The following CEP57L1 variants were observed in gnomAD, a reference collection of about 807,000 sequenced individuals.
CEP57L1 encodes the protein centrosomal protein 57 like 1, also known as centrosomal protein CEP57L1.
In CEP57L1, 37 loss-of-function variants were observed where a neutral mutation model predicts 61.0. That is an observed-to-expected ratio of 0.61 (90% CI 0.47 to 0.80). The LOEUF (loss-of-function observed/expected upper bound fraction) is 0.80. CEP57L1 is among the 30% of genes least tolerant of loss of function. CEP57L1 has a pLI of 0.00. For synonymous variants in CEP57L1, 137 were observed against 162.3 expected, an observed-to-expected ratio of 0.84 and a Z score of 1.19; for missense variants, 422 against 524.7, an observed-to-expected ratio of 0.80 and a Z score of 1.91.
intron 1 of CEP57L1, among the ~76,000 whole-genome samples, chr6:109,142,950 T>C (rs573848960): frequency 8.4e-5 from 1 of 11,930 alleles, no homozygotes; most frequent in Non-Finnish European, 1.7e-4. Flanking sequence ...TCTCTTGCTC[T>C]CTCTCTCTCT....
rs1173873238 is a variant in CEP57L1, at chr6:109,173,330, C to A, written c.*10360C>A. ...GAGACCATTTAAAGAATATTATTTCCTTCCAGTTTATTCAAGGGTGGCCTA... is the reference window on the plus strand; with the variant it reads ...GAGACCATTTAAAGAATATTATTTCATTCCAGTTTATTCAAGGGTGGCCTA... On this transcript the variant is annotated 3_prime_UTR_variant, in exon 11 of 11. Coordinates refer to ENST00000517392, the MANE Select transcript of CEP57L1 (RefSeq NM_001271852.3). Among the ~76,000 whole-genome samples, 1 of 151,510 alleles carries A rather than the reference C, an allele frequency of 6.6e-6. No homozygotes were observed. The highest frequency in any genetic ancestry group is 1.5e-5 in the Non-Finnish European group (1 of 67,924).
At chr6:109,100,705 A>T (rs913727010) in intron 1 of CEP57L1, among the ~76,000 whole-genome samples, 5 of 151,546 alleles carry the variant, frequency 3.3e-5, no homozygotes, top group African/African-American at 9.7e-5. Flanking sequence ...AGAAAGAAAG[A>T]AAGTTTACAG....
chr6:109,170,034 G>A lies in CEP57L1; in HGVS notation c.*7064G>A, dbSNP rs1357669297. ...ACTAACTCCTGAGAGGATTTCTTTG[G>A]CCTTTAATATCCTATTTAATAGATT... On this transcript the variant is annotated 3_prime_UTR_variant, in exon 11 of 11. Transcript: ENST00000517392. Among the ~76,000 whole-genome samples the A allele has an allele frequency of 6.6e-6, 1 of 152,042 alleles. No individual in the cohort carries two copies. Among genetic ancestry groups the A allele is most frequent in the Non-Finnish European group, 1.5e-5 (1 of 67,988 alleles).
chr6:109,126,522 A>G (rs372285838), intron 1 of CEP57L1, among the ~76,000 whole-genome samples: 1 of 152,144 alleles, frequency 6.6e-6, no homozygotes, highest in East Asian at 1.9e-4. Flanking sequence ...ATAATTATAC[A>G]GTTTTATATT....
At chr6:109,136,955 T>G (rs1770808935) in intron 1 of CEP57L1, among the ~76,000 whole-genome samples, 1 of 152,070 alleles carries the variant, frequency 6.6e-6, no homozygotes, top group Non-Finnish European at 1.5e-5. Flanking sequence ...TTCTCCATGT[T>G]GGCCAGGCTG....
intron 8 of CEP57L1, 32 bp from the exon 9 acceptor site, chr6:109,159,237 C>T (rs1389311380): frequency 6.2e-7 from 1 of 1,614,094 alleles, no homozygotes; most frequent in Non-Finnish European, 8.5e-7. Context: ...GCAAGCTGTT[C>T]TGTGAATGCA....
At chr6:109,106,087 T>C (rs1280344382) in intron 1 of CEP57L1, 1 of 152,354 alleles carries the variant, frequency 6.6e-6, no homozygotes, top group East Asian at 1.9e-4. Context: ...GATTCTACTT[T>C]ACGGTGAGTT....
intron 1 of CEP57L1, among the ~76,000 whole-genome samples, chr6:109,131,526 C>CTG (rs1277201927): frequency 1.3e-5 from 2 of 151,728 alleles, no homozygotes; most frequent in Admixed American, 6.6e-5. Flanking sequence ...AAGTATCATT[C>CTG]TGTGTGTGCA....
intron 7 of CEP57L1, chr6:109,158,727 T>C (rs1773449539): frequency 2.0e-6 from 1 of 498,320 alleles, no homozygotes. Context: ...ATGTGAGTGA[T>C]TTTATTTTCT....
intron 1 of CEP57L1, among the ~76,000 whole-genome samples, chr6:109,137,260 C>T (rs146381362): frequency 1.1e-3 from 159 of 151,190 alleles, no homozygotes; most frequent in African/African-American, 3.5e-3. Context: ...TTTAGTATCC[C>T]ATCCTTTCTC....
chr6:109,105,668 A>G (rs1770843164), intron 1 of CEP57L1, among the ~76,000 whole-genome samples: 1 of 152,020 alleles, frequency 6.6e-6, no homozygotes, highest in Non-Finnish European at 1.5e-5. Flanking sequence ...CATTATCCCT[A>G]TGATTCATAT....
chr6:109,146,843 T>G lies in CEP57L1; in HGVS notation c.246T>G (p.Ile82Met). ...CACAAGCTGAAGATAACCTGAACAT[T>G]CTTTCCAGAGAAGCAGCACAGTATA... The part of the protein sequence containing the change: ...ERTQAEDNLN[I>M]LSREAAQYKK... The change falls in exon 3 of 11, where the codon ATT (isoleucine) becomes ATG (methionine). Residue 82 changes from isoleucine (I) to methionine (M), a missense_variant. Physicochemically the swap from Ile to Met is conservative, Grantham distance 10 (BLOSUM62 1). Transcript: ENST00000517392. 6.2e-7 allele frequency: 1 copy of G among 1,611,076 alleles called. No homozygotes were observed. Among genetic ancestry groups the G allele is most frequent in the East Asian group, 2.2e-5 (1 of 44,596 alleles).
At position 109,133,734 on chromosome 6, in the gene CEP57L1, C is replaced by T. The variant is rs190825878; in HGVS notation, c.-3-11485C>T. On this transcript the variant is annotated intron_variant, in intron 1 of 10. Coordinates refer to ENST00000517392, the MANE Select transcript of CEP57L1 (RefSeq NM_001271852.3). ...ATAAAAAATGATAAAGGGGATATCA[C>T]CACCAATCCCACAGAAATACAAACT... 3.4e-4 allele frequency among the ~76,000 whole-genome samples: 51 copies of T among 152,200 alleles called. No homozygotes were observed. The Middle Eastern group carries it at 0.017, about 51-fold the overall frequency.
intron 1 of CEP57L1, among the ~76,000 whole-genome samples, chr6:109,133,398 A>C (rs560172341): frequency 1.3e-5 from 2 of 152,282 alleles, no homozygotes; most frequent in East Asian, 3.9e-4. Flanking sequence ...TGCAGCCCTG[A>C]TCTGACAGGA....
intron 1 of CEP57L1, among the ~76,000 whole-genome samples, chr6:109,116,327 G>A (rs545684351): frequency 7.2e-4 from 109 of 152,034 alleles, no homozygotes; most frequent in Non-Finnish European, 1.3e-3. Flanking sequence ...ACAGGCATAT[G>A]CCACCACGCC....
chr6:109,154,687 T>C (rs1480435722), intron 5 of CEP57L1, among the ~76,000 whole-genome samples: 1 of 152,092 alleles, frequency 6.6e-6, no homozygotes, highest in Non-Finnish European at 1.5e-5. Context: ...ACCGAACCAG[T>C]AATGAAAATA....
rs909974359 is a variant in CEP57L1 at position 109,113,394 on chromosome 6, G to A, written c.-4+17819G>A. 6.6e-5 allele frequency among the ~76,000 whole-genome samples: 10 copies of A among 152,024 alleles called. No individual in the cohort carries two copies. The East Asian group carries it at 7.7e-4, about 12-fold the overall frequency. On this transcript the variant is annotated intron_variant, in intron 1 of 10. Coordinates refer to ENST00000517392, the MANE Select transcript of CEP57L1 (RefSeq NM_001271852.3). Reference sequence around the variant, plus strand: ...TTATTGAGCCCCTGTGAACACATCCGAGAGATACATGATGAATAAAATACA... The same window carrying A: ...TTATTGAGCCCCTGTGAACACATCCAAGAGATACATGATGAATAAAATACA...
At chr6:109,150,323 C>A in intron 4 of CEP57L1, 84 bp downstream of exon 4, 1 of 1,509,102 alleles carries the variant, frequency 6.6e-7, no homozygotes, top group Non-Finnish European at 9.1e-7. Flanking sequence ...AATTCAAAGG[C>A]AAAGGTGGCA....
Position 109,147,006 on chromosome 6 carries a change from G to A in CEP57L1, c.340+69G>A, listed in dbSNP as rs1240690860. The stretch of plus-strand genomic sequence containing the variant: ...TTACAGTTCAAAAATAATAAACCTA[G>A]TCTAAGCCGATGTACTCAGATATCT... On this transcript the variant is annotated intron_variant, in intron 3 of 10. Coordinates refer to ENST00000517392, the MANE Select transcript of CEP57L1 (RefSeq NM_001271852.3). The A allele has an allele frequency of 7.1e-5, 91 of 1,279,420 alleles. 1 individual carries two copies. The South Asian group carries it at 1.2e-3, about 17-fold the overall frequency. The allele number at this position is 1,279,420 out of a possible 1,614,324, so 79.3% of individuals were successfully genotyped here.
Sources: gnomAD v4.1 joint callset for allele counts (sites outside exome capture counted in the v4.1 genomes callset) on GRCh38, gnomAD v4.1.1 for gene constraint, MANE v1.5 for transcripts, NCBI Gene and HGNC (gene_info 2026-07-23, HGNC 2026-07-21) for gene names.